Variants in CSMD1 observed in about 807,000 individuals in gnomAD.
The protein encoded by CSMD1 is CUB and sushi domain-containing protein 1.
In CSMD1, 213 loss-of-function variants were observed where a neutral mutation model predicts 417.5. That is an observed-to-expected ratio of 0.51 (90% CI 0.46 to 0.57). CSMD1 has a LOEUF of 0.57. Ranked by LOEUF, CSMD1 falls within the 20% of genes least tolerant of loss-of-function variation. The pLI is 0.00. For missense variants in CSMD1, 6,923 were observed against 4,529.7 expected, an observed-to-expected ratio of 1.53 and a Z score of -15.17; for synonymous variants, 2,862 against 1,736.8, an observed-to-expected ratio of 1.65 and a Z score of -16.11.
intron 42 of CSMD1, among the ~76,000 whole-genome samples, chr8:3,115,393 G>A (rs1287157909): frequency 6.6e-6 from 1 of 152,018 alleles, no homozygotes; most frequent in Admixed American, 6.6e-5. Flanking sequence ...GTAGAGTTGG[G>A]GTTTTGCCAT....
intron 2 of CSMD1, among the ~76,000 whole-genome samples, chr8:4,617,540 C>G (rs913692905): frequency 6.6e-6 from 1 of 152,122 alleles, no homozygotes; most frequent in Non-Finnish European, 1.5e-5. Context: ...CTGGATTTGG[C>G]TTCTGATTCC....
chr8:4,828,889 T>A (rs574154773), intron 1 of CSMD1, among the ~76,000 whole-genome samples: 1 of 152,190 alleles, frequency 6.6e-6, no homozygotes, highest in East Asian at 1.9e-4. Flanking sequence ...GCGTTCCACA[T>A]CCTCGTCCCA....
At position 3,561,648 on chromosome 8, in the gene CSMD1, G is replaced by C. The variant is rs192191006; in HGVS notation, c.1344+13297C>G. Among the ~76,000 whole-genome samples the C allele has an allele frequency of 1.4e-4, 22 of 152,272 alleles. No individual in the cohort carries two copies. In the East Asian group the frequency reaches 2.9e-3, roughly 20 times the overall value. On this transcript the variant is annotated intron_variant, in intron 10 of 69. Coordinates refer to ENST00000635120, the MANE Select transcript of CSMD1 (RefSeq NM_033225.6). ...GTGAGGAGAGAGGCAGGAGAGTAAA[G>C]CTTAAGAATTGCACATTGGGTACCA...
intron 26 of CSMD1, among the ~76,000 whole-genome samples, chr8:3,239,668 G>C (rs1799369306): frequency 6.6e-6 from 1 of 152,230 alleles, no homozygotes; most frequent in Middle Eastern, 3.2e-3. Context: ...AAGGAAATGA[G>C]AGGTTCTAAG....
intron 2 of CSMD1, among the ~76,000 whole-genome samples, chr8:4,551,162 A>G (rs1366846732): frequency 6.6e-6 from 1 of 152,182 alleles, no homozygotes; most frequent in Non-Finnish European, 1.5e-5. Context: ...GATCCTGTGT[A>G]TCTTACCTTC....
intron 26 of CSMD1, among the ~76,000 whole-genome samples, chr8:3,274,141 T>A (rs1802085898): frequency 6.6e-6 from 1 of 151,982 alleles, no homozygotes; most frequent in African/African-American, 2.4e-5. Flanking sequence ...TTGTTCTCGT[T>A]GGTTTCAAAG....
At chr8:4,159,399 A>T (rs1288126556) in intron 3 of CSMD1, among the ~76,000 whole-genome samples, 6 of 152,186 alleles carry the variant, frequency 3.9e-5, no homozygotes, top group African/African-American at 1.4e-4. Context: ...ACCGAGGGGA[A>T]AAGAAGTCAT....
chr8:3,838,699 TATTATATAGTA>T (rs1220700537), intron 5 of CSMD1, among the ~76,000 whole-genome samples: 11 of 97,648 alleles, frequency 1.1e-4, no homozygotes, highest in African/African-American at 2.9e-4. Context: ...ATATAATAAA[TATTATATAGTA>T]TAATATATAA....
chr8:3,709,788 C>T (rs995716479), intron 6 of CSMD1, among the ~76,000 whole-genome samples: 5 of 141,908 alleles, frequency 3.5e-5, no homozygotes, highest in Non-Finnish European at 7.5e-5. Context: ...CCTTTCAGGT[C>T]TTCGGTCTTG....
At chr8:4,405,930 T>TA (rs1170635732) in intron 3 of CSMD1, among the ~76,000 whole-genome samples, 8 of 152,212 alleles carry the variant, frequency 5.3e-5, no homozygotes, top group Non-Finnish European at 1.2e-4. Flanking sequence ...TCGTTTCCTT[T>TA]AATTAGTATC....
chr8:4,908,749 G>C (rs1172806027), intron 1 of CSMD1, among the ~76,000 whole-genome samples: 1 of 95,120 alleles, frequency 1.1e-5, no homozygotes, highest in East Asian at 3.2e-4. Flanking sequence ...AATTCATTTT[G>C]ATGCTTAGAG....
chr8:4,061,854 GGTCA>G (rs1169230276), intron 3 of CSMD1, among the ~76,000 whole-genome samples: 1 of 152,082 alleles, frequency 6.6e-6, no homozygotes, highest in Non-Finnish European at 1.5e-5. Context: ...TATAGATGTA[GGTCA>G]GTCTTTCCAT....
intron 2 of CSMD1, among the ~76,000 whole-genome samples, chr8:4,443,219 T>A (rs531706067): frequency 2.6e-4 from 40 of 152,288 alleles, no homozygotes; most frequent in Non-Finnish European, 5.1e-4. Flanking sequence ...CAATTTTTAT[T>A]TGTAATTAAT....
chr8:4,360,507 T>C (rs1801690515), intron 3 of CSMD1, among the ~76,000 whole-genome samples: 1 of 152,194 alleles, frequency 6.6e-6, no homozygotes, highest in Non-Finnish European at 1.5e-5. Flanking sequence ...CCAGGTTCTT[T>C]GAGATGGAGT....
rs577061099 is a variant in CSMD1 at position 4,473,555 on chromosome 8, G to A, written c.303-53490C>T. 6.6e-4 allele frequency among the ~76,000 whole-genome samples: 100 copies of A among 152,202 alleles called. 1 individual carries two copies. Among genetic ancestry groups the A allele is most frequent in the African/African-American group, 2.3e-3 (97 of 41,532 alleles). On this transcript the variant is annotated intron_variant, in intron 2 of 69. Transcript: ENST00000635120. The stretch of plus-strand genomic sequence containing the variant: ...GGCTATGCCTTTTTCTTGTACTTCT[G>A]CCTCTCCATATCAATAGTAGTTATG...
intron 7 of CSMD1, among the ~76,000 whole-genome samples, chr8:3,618,055 G>A (rs962015478): frequency 2.6e-5 from 4 of 152,082 alleles, no homozygotes; most frequent in African/African-American, 4.8e-5. Context: ...AGGTGGGAGT[G>A]CAGTGGCACA....
chr8:3,566,733 A>T (rs1399919002), intron 10 of CSMD1, among the ~76,000 whole-genome samples: 1 of 152,222 alleles, frequency 6.6e-6, no homozygotes, highest in East Asian at 1.9e-4. Context: ...ATAAGATACC[A>T]TCTCACACCA....
At chr8:4,280,513 C>T (rs1386018660) in intron 3 of CSMD1, among the ~76,000 whole-genome samples, 1 of 152,138 alleles carries the variant, frequency 6.6e-6, no homozygotes, top group Non-Finnish European at 1.5e-5. Context: ...TTAAAATATA[C>T]AAGCAAATTG....
At chr8:4,659,904 A>C (rs1360371828) in intron 1 of CSMD1, among the ~76,000 whole-genome samples, 2 of 152,132 alleles carry the variant, frequency 1.3e-5, no homozygotes, top group Admixed American at 1.3e-4. Flanking sequence ...GAAAAAATGC[A>C]TGTGACATAA....
Sources: gnomAD v4.1 joint callset for allele counts (sites outside exome capture counted in the v4.1 genomes callset) on GRCh38, gnomAD v4.1.1 for gene constraint, MANE v1.5 for transcripts, NCBI Gene and HGNC (gene_info 2026-07-23, HGNC 2026-07-21) for gene names.